Variants in BIVM observed in about 807,000 individuals in gnomAD.
BIVM encodes the protein basic, immunoglobulin-like variable motif containing, also known as basic immunoglobulin-like variable motif-containing protein.
In BIVM, 31 loss-of-function variants were observed where a neutral mutation model predicts 61.4. The ratio of observed to expected loss-of-function variants is 0.51; its 90% confidence interval spans 0.38 to 0.68. The LOEUF (loss-of-function observed/expected upper bound fraction) is 0.68. BIVM is among the 30% of genes least tolerant of loss of function. The pLI, the probability that BIVM is intolerant of heterozygous loss-of-function variation, is 0.00. For missense variants in BIVM, 526 were observed against 596.0 expected, an observed-to-expected ratio of 0.88 and a Z score of 1.22; for synonymous variants, 189 against 210.7, an observed-to-expected ratio of 0.90 and a Z score of 0.89.
chr13:102,830,538 T>C (rs1880991061), intron 7 of BIVM, among the ~76,000 whole-genome samples: 1 of 152,192 alleles, frequency 6.6e-6, no homozygotes, highest in Non-Finnish European at 1.5e-5. Context: ...ATTATAGTTA[T>C]GGCAAATGTC....
intron 3 of BIVM, among the ~76,000 whole-genome samples, chr13:102,813,830 C>T (rs1489284853): frequency 1.3e-5 from 2 of 152,086 alleles, no homozygotes; most frequent in African/African-American, 2.4e-5. Context: ...GAATTTGCTC[C>T]TTACATGCAT....
In BIVM at chr13:102,838,751, A is replaced by G. The variant is rs754846903; in HGVS notation, c.1218+12A>G. ...GAAAAACAAAGAAGGTAAGAAGAAC[A>G]CCATTGTGTTTGAAGGCATTTCCCA... On this transcript the variant is annotated intron_variant, in intron 10 of 10. Coordinates refer to ENST00000257336, the MANE Select transcript of BIVM (RefSeq NM_017693.4). 4 of 1,607,138 alleles carry G rather than the reference A, an allele frequency of 2.5e-6. No individual in the cohort carries two copies. Among genetic ancestry groups the G allele is most frequent in the Non-Finnish European group, 3.4e-6 (4 of 1,177,238 alleles).
intron 3 of BIVM, among the ~76,000 whole-genome samples, chr13:102,808,669 G>T (rs1879272924): frequency 6.6e-6 from 1 of 152,068 alleles, no homozygotes; most frequent in Non-Finnish European, 1.5e-5. Flanking sequence ...TTAGGGCTAT[G>T]CAAATCTTCT....
At chr13:102,825,157 G>T (rs1264599199) in intron 7 of BIVM, among the ~76,000 whole-genome samples, 1 of 152,124 alleles carries the variant, frequency 6.6e-6, no homozygotes, top group East Asian at 1.9e-4. Flanking sequence ...ATGTTAGCCA[G>T]GATGGTCTCG....
At position 102,799,223 on chromosome 13, in the gene BIVM, T is replaced by G; in HGVS notation, c.-505T>G. On this transcript the variant is annotated 5_prime_UTR_variant, in exon 1 of 11. The change abolishes an upstream ATG in the 5' untranslated region. Coordinates refer to ENST00000257336, the MANE Select transcript of BIVM (RefSeq NM_017693.4). The stretch of plus-strand genomic sequence containing the variant: ...TCGGGGGACAGATAAACACCACAGA[T>G]GCCCATCAAAGGGGCGCACGGGTCT... 2 of 323,664 alleles carry G rather than the reference T, an allele frequency of 6.2e-6. No individual in the cohort carries two copies. Among genetic ancestry groups the G allele is most frequent in the East Asian group, 4.8e-5 (1 of 20,752 alleles). The allele number at this position is 323,664 out of a possible 1,614,324, so 20.0% of individuals were successfully genotyped here.
chr13:102,802,551 A>C (rs924871089), intron 1 of BIVM, among the ~76,000 whole-genome samples: 7 of 152,202 alleles, frequency 4.6e-5, no homozygotes, highest in African/African-American at 1.7e-4. Context: ...ATTTACATAT[A>C]GTTTCCAATG....
At chr13:102,821,639 C>G (rs949455530) in intron 5 of BIVM, 104 bp from the exon 6 acceptor site, 2 of 898,114 alleles carry the variant, frequency 2.2e-6, no homozygotes, top group Non-Finnish European at 3.2e-6. Context: ...AAAAATATTA[C>G]TAATATTATT....
rs113453670 is a variant in BIVM, at chr13:102,823,716, T to TGTTCA, written c.901+1558_901+1559insTTCAG. Among the ~76,000 whole-genome samples the TGTTCA allele has an allele frequency of 5.9e-3, 892 of 152,370 alleles. 12 individuals are homozygous for TGTTCA. The highest frequency in any genetic ancestry group is 0.02 in the African/African-American group (851 of 41,584). Reference sequence around the variant, plus strand: ...ATTTTCTCTTCAGCTGTGTCTAGTTTGCTTTTTATACTGCCTATTGAGTTT... The same window carrying TGTTCA: ...ATTTTCTCTTCAGCTGTGTCTAGTTTGTTCAGCTTTTTATACTGCCTATTGAGTTT... On this transcript the variant is annotated intron_variant, in intron 7 of 10. Coordinates refer to ENST00000257336, the MANE Select transcript of BIVM (RefSeq NM_017693.4).
chr13:102,807,638 A>G lies in BIVM; in HGVS notation c.371A>G (p.Glu124Gly), dbSNP rs189801284. The change falls in exon 3 of 11, where the codon GAA becomes GGA. Residue 124 changes from glutamate to glycine, a missense_variant. Physicochemically the swap from Glu to Gly is moderately conservative, Grantham distance 98. Coordinates refer to ENST00000257336, the MANE Select transcript of BIVM (RefSeq NM_017693.4). The surrounding 1 kb of genome is among the most constrained non-coding windows in gnomAD (Gnocchi z 4.0). ...ACATCGGAAATTATCTACAATGAAG[A>G]AAATAGCTTGGAAAACTTATCCAAC... is the stretch of plus-strand genomic sequence containing the variant. ...TSTSEIIYNE[E>G]NSLENLSNSL... 24 of 1,614,178 alleles carry G rather than the reference A, an allele frequency of 1.5e-5. No homozygotes were observed. The highest frequency in any genetic ancestry group is 1.8e-5 in the Non-Finnish European group (21 of 1,180,008).
chr13:102,808,279 G>A (rs1879239077), intron 3 of BIVM, among the ~76,000 whole-genome samples: 1 of 152,160 alleles, frequency 6.6e-6, no homozygotes, highest in Admixed American at 6.5e-5. Context: ...CAATGGGGTG[G>A]TCCTATGGCA....
chr13:102,822,206 C>T (rs779393030), intron 7 of BIVM, 47 bp downstream of exon 7: 3 of 1,544,694 alleles, frequency 1.9e-6, no homozygotes, highest in Non-Finnish European at 1.8e-6. Flanking sequence ...CACACATGCA[C>T]ACACACACAT....
At chr13:102,816,637 CA>C (rs1879883831) in intron 4 of BIVM, 83 bp downstream of exon 4, 70 of 1,176,656 alleles carry the variant, frequency 5.9e-5, no homozygotes, top group Non-Finnish European at 7.7e-5. Context: ...CAAATTAATA[CA>C]TTATATGTAT....
chr13:102,837,060 T>C (rs1881527791), intron 9 of BIVM, among the ~76,000 whole-genome samples: 1 of 152,104 alleles, frequency 6.6e-6, no homozygotes, highest in Non-Finnish European at 1.5e-5. Context: ...GGAGGATCAC[T>C]TCAGCTCAGG....
intron 7 of BIVM, among the ~76,000 whole-genome samples, chr13:102,828,818 C>T (rs1880855399): frequency 6.6e-6 from 1 of 151,984 alleles, no homozygotes; most frequent in African/African-American, 2.4e-5. Context: ...TCCTTGAGGC[C>T]AGGAGTTTGA....
intron 3 of BIVM, among the ~76,000 whole-genome samples, chr13:102,809,042 C>A (rs1468874244): frequency 2.0e-5 from 3 of 151,930 alleles, no homozygotes; most frequent in African/African-American, 7.3e-5. Context: ...GGTTTCTGCT[C>A]TTTATTATTT....
intron 1 of BIVM, among the ~76,000 whole-genome samples, chr13:102,804,065 C>G (rs962956510): frequency 6.6e-6 from 1 of 152,210 alleles, no homozygotes; most frequent in African/African-American, 2.4e-5. Flanking sequence ...TTCCACCTTT[C>G]GTGGTAATAT....
At chr13:102,825,956 A>G (rs568352626) in intron 7 of BIVM, among the ~76,000 whole-genome samples, 7 of 152,258 alleles carry the variant, frequency 4.6e-5, no homozygotes, top group African/African-American at 1.7e-4. Flanking sequence ...GAAAAACTAG[A>G]GTTGCCTTTC....
intron 10 of BIVM, among the ~76,000 whole-genome samples, chr13:102,839,043 G>A (rs537455603): frequency 2.6e-5 from 4 of 152,190 alleles, no homozygotes; most frequent in South Asian, 4.2e-4. Flanking sequence ...TACTTTCTTC[G>A]TAAGATCATC....
At chr13:102,808,115 C>A (rs1358071050) in intron 3 of BIVM, among the ~76,000 whole-genome samples, 2 of 152,164 alleles carry the variant, frequency 1.3e-5, no homozygotes, top group Non-Finnish European at 2.9e-5. Flanking sequence ...CCTGACCAAA[C>A]ATCTTTTTTT....
Sources: gnomAD v4.1 joint callset for allele counts (sites outside exome capture counted in the v4.1 genomes callset) on GRCh38, gnomAD v4.1.1 for gene constraint, Gnocchi (gnomAD v3.1) non-coding constraint, MANE v1.5 for transcripts, NCBI Gene and HGNC (gene_info 2026-07-23, HGNC 2026-07-21) for gene names.